ERBB4: variants seen among roughly 807,000 people sequenced by gnomAD.
ERBB4 encodes the protein erb-b2 receptor tyrosine kinase 4, also known as receptor tyrosine-protein kinase erbB-4.
A neutral mutation model predicts 158.0 loss-of-function variants in ERBB4; 42 were observed. The observed-to-expected ratio is 0.27, with a 90% confidence interval of 0.21 to 0.34. The LOEUF is 0.34. Ranked by LOEUF, ERBB4 falls within the 10% of genes least tolerant of loss-of-function variation. The pLI, the probability that ERBB4 is intolerant of heterozygous loss-of-function variation, is 1.00. For synonymous variants in ERBB4, 583 were observed against 558.7 expected (o/e 1.04, Z -0.61); for missense variants, 1,333 against 1,624.1 (o/e 0.82, Z 3.08).
chr2:211,581,443 A>T (rs1443195869), intron 19 of ERBB4, among the ~76,000 whole-genome samples: 1 of 152,188 alleles, frequency 6.6e-6, no homozygotes, highest in African/African-American at 2.4e-5. Flanking sequence ...TAGGAAGTAC[A>T]TCTACCTGCC....
intron 2 of ERBB4, among the ~76,000 whole-genome samples, chr2:212,054,681 G>A (rs911455770): frequency 1.5e-4 from 23 of 152,192 alleles, no homozygotes; most frequent in African/African-American, 4.3e-4. Flanking sequence ...AGTAAGCTGC[G>A]TGGGGAGAGC....
intron 1 of ERBB4, among the ~76,000 whole-genome samples, chr2:212,270,493 T>C (rs1463561743): frequency 6.6e-6 from 1 of 151,776 alleles, no homozygotes; most frequent in Non-Finnish European, 1.5e-5. Flanking sequence ...AGATTCAACA[T>C]TGTTGGTAAT....
At chr2:211,587,290 G>A (rs887658400) in intron 19 of ERBB4, among the ~76,000 whole-genome samples, 2 of 152,060 alleles carry the variant, frequency 1.3e-5, no homozygotes, top group East Asian at 1.9e-4. Flanking sequence ...GGGAGGCAGA[G>A]GCTGCAGTGA....
chr2:211,990,523 AAAATAAATAAATAAAT>A (rs199775547), intron 2 of ERBB4, among the ~76,000 whole-genome samples: 2 of 134,358 alleles, frequency 1.5e-5, no homozygotes, highest in Admixed American at 7.2e-5. Flanking sequence ...AATAAAAATA[AAAATAAATAAATAAAT>A]AAATAAATAA....
intron 3 of ERBB4, among the ~76,000 whole-genome samples, chr2:211,870,898 C>T (rs75214616): frequency 0.044 from 6,640 of 152,084 alleles, 247 homozygotes; most frequent in Non-Finnish European, 0.065. Flanking sequence ...TCAATTTGTT[C>T]GTTCATTCAA....
intron 4 of ERBB4, among the ~76,000 whole-genome samples, chr2:211,771,756 G>A (rs1266032092): frequency 6.6e-6 from 1 of 152,036 alleles, no homozygotes; most frequent in Non-Finnish European, 1.5e-5. Context: ...TTGCTCACAA[G>A]AGACTAGGGG....
At chr2:212,235,607 A>G (rs2083838499) in intron 1 of ERBB4, among the ~76,000 whole-genome samples, 1 of 152,114 alleles carries the variant, frequency 6.6e-6, no homozygotes. Context: ...ATGAGAATGG[A>G]ATGTGTTTGC....
chr2:212,490,853 G>T (rs144905578), intron 1 of ERBB4, among the ~76,000 whole-genome samples: 1 of 151,740 alleles, frequency 6.6e-6, no homozygotes, highest in African/African-American at 2.4e-5. Context: ...TGGCTTTAAG[G>T]CCTCCACAAA....
intron 3 of ERBB4, among the ~76,000 whole-genome samples, chr2:211,842,232 A>G (rs183723322): frequency 8.8e-4 from 132 of 150,138 alleles, no homozygotes; most frequent in Admixed American, 2.1e-3. Context: ...TGTACATATC[A>G]CAAAAAGGAA....
intron 17 of ERBB4, among the ~76,000 whole-genome samples, chr2:211,626,366 T>C (rs376945957): frequency 3.0e-4 from 45 of 152,282 alleles, no homozygotes; most frequent in African/African-American, 9.9e-4. Context: ...ACAAAATGAT[T>C]TGAGGAACGT....
At chr2:211,637,590 T>A (rs1048494142) in intron 16 of ERBB4, among the ~76,000 whole-genome samples, 4 of 151,790 alleles carry the variant, frequency 2.6e-5, no homozygotes, top group African/African-American at 4.8e-5. Flanking sequence ...TCCTATATAC[T>A]ACTTTTAAAT....
chr2:212,366,348 T>G (rs767612189), intron 1 of ERBB4, among the ~76,000 whole-genome samples: 4 of 152,010 alleles, frequency 2.6e-5, no homozygotes, highest in Admixed American at 6.6e-5. Flanking sequence ...AAATGACAAT[T>G]TTAATATCAT....
At chr2:211,987,603 G>T (rs2081972560) in intron 2 of ERBB4, among the ~76,000 whole-genome samples, 1 of 151,974 alleles carries the variant, frequency 6.6e-6, no homozygotes, top group Non-Finnish European at 1.5e-5. Flanking sequence ...AATCAATTGT[G>T]ATGAAGGCTG....
At chr2:211,651,772 C>A (rs1051415113) in intron 16 of ERBB4, among the ~76,000 whole-genome samples, 9 of 152,138 alleles carry the variant, frequency 5.9e-5, no homozygotes, top group Non-Finnish European at 1.3e-4. Context: ...TTGGGAGCCT[C>A]AGTTCTACAA....
At chr2:211,413,579 C>T (rs1258559564) in intron 25 of ERBB4, among the ~76,000 whole-genome samples, 1 of 152,106 alleles carries the variant, frequency 6.6e-6, no homozygotes, top group African/African-American at 2.4e-5. Flanking sequence ...TGGTAAATTG[C>T]AACCACAGTA....
At chr2:211,695,001 C>T (rs762831583) in intron 12 of ERBB4, among the ~76,000 whole-genome samples, 4 of 151,928 alleles carry the variant, frequency 2.6e-5, no homozygotes, top group African/African-American at 4.8e-5. Context: ...GAAATGACGA[C>T]GATATAAAGT....
At chr2:211,840,758 C>T (rs1356730407) in intron 3 of ERBB4, among the ~76,000 whole-genome samples, 1 of 152,004 alleles carries the variant, frequency 6.6e-6, no homozygotes, top group African/African-American at 2.4e-5. Context: ...TGTCCAATAT[C>T]ATTAATGATA....
chr2:211,780,941 T>C (rs1424269360), intron 4 of ERBB4, among the ~76,000 whole-genome samples: 1 of 152,216 alleles, frequency 6.6e-6, no homozygotes, highest in African/African-American at 2.4e-5. Flanking sequence ...TTGAAAACAG[T>C]GTGATTTCAT....
intron 1 of ERBB4, among the ~76,000 whole-genome samples, chr2:212,177,235 T>C (rs2081696427): frequency 6.8e-6 from 1 of 147,324 alleles, no homozygotes; most frequent in South Asian, 2.1e-4. Flanking sequence ...TTAATTATAC[T>C]ATATATATAT....
Sources: gnomAD v4.1 joint callset for allele counts (sites outside exome capture counted in the v4.1 genomes callset) on GRCh38, gnomAD v4.1.1 for gene constraint, MANE v1.5 for transcripts, NCBI Gene and HGNC (gene_info 2026-07-23, HGNC 2026-07-21) for gene names.